The following UGGT1 variants were observed in gnomAD, a reference collection of about 807,000 sequenced individuals.
UGGT1 encodes the protein UDP-glucose:glycoprotein glucosyltransferase 1.
Under a neutral mutation model 203.9 loss-of-function variants are expected in UGGT1, and 107 were observed. The ratio of observed to expected loss-of-function variants is 0.52; its 90% CI spans 0.45 to 0.62. The LOEUF is 0.62. Among genes scored for constraint, UGGT1 ranks in the 20% least tolerant of loss-of-function variants. The pLI is 0.00. For synonymous variants in UGGT1, 628 were observed against 653.5 expected, an observed-to-expected ratio of 0.96 and a Z score of 0.59; for missense variants, 1,673 against 1,867.2, an observed-to-expected ratio of 0.90 and a Z score of 1.92.
At chr2:128,160,351 T>C (rs1205366378) in intron 23 of UGGT1, 109 bp from the exon 24 acceptor site, 2 of 1,182,030 alleles carry the variant, frequency 1.7e-6, no homozygotes, top group Non-Finnish European at 1.2e-6. Context: ...TGAAAATTAG[T>C]TATTACTTTC....
intron 6 of UGGT1, among the ~76,000 whole-genome samples, chr2:128,113,698 A>AATAT (rs1573513808): frequency 8.4e-5 from 3 of 35,674 alleles, no homozygotes; most frequent in African/African-American, 1.6e-4. Context: ...GACTCTGTGT[A>AATAT]GGCCGGGCGC....
chr2:128,113,014 T>A lies in UGGT1; in HGVS notation c.522-70T>A. ...TATTTGAATTTTCATAACTGTACTT[T>A]ATATTTTGTGACATTTTTAGTGTTT... On this transcript the variant is annotated intron_variant, in intron 5 of 40. Transcript: ENST00000259253. The A allele has an allele frequency of 3.0e-6, 4 of 1,341,846 alleles. No individual in the cohort carries two copies. In the South Asian group the frequency reaches 7.2e-5, roughly 24 times the overall value. 83.1% of individuals were successfully genotyped at this position (1,341,846 alleles called of 1,614,324 possible).
intron 37 of UGGT1, 120 bp downstream of exon 37, chr2:128,182,410 T>TA: frequency 3.9e-6 from 5 of 1,290,188 alleles, no homozygotes; most frequent in Non-Finnish European, 5.2e-6. Context: ...TGATAAAAAA[T>TA]ACACAGTGGC....
At chr2:128,159,797 G>A (rs904720782) in intron 23 of UGGT1, 77 bp downstream of exon 23, 20 of 1,412,178 alleles carry the variant, frequency 1.4e-5, no homozygotes, top group Admixed American at 4.2e-5. Flanking sequence ...TTACGTGTCC[G>A]GTTCATGATC....
chr2:128,101,322 G>T (rs1687365199), intron 2 of UGGT1, among the ~76,000 whole-genome samples: 1 of 152,120 alleles, frequency 6.6e-6, no homozygotes, highest in African/African-American at 2.4e-5. Flanking sequence ...CACCACCACA[G>T]ATCTTTTGCC....
chr2:128,115,017 A>T, intron 6 of UGGT1, 107 bp from the exon 7 acceptor site: 1 of 905,368 alleles, frequency 1.1e-6, no homozygotes, highest in Non-Finnish European at 1.7e-6. Flanking sequence ...TTGAGGGCAT[A>T]ATCCGAGGTA....
chr2:128,172,554 C>CT lies in UGGT1; in HGVS notation c.3105-16dup. The stretch of plus-strand genomic sequence containing the variant: ...TTGTCACATCGAAAATTATCTAACA[C>CT]TTTCCTTTTCAATTTCAGCTTTTAC... On this transcript the variant is annotated intron_variant, in intron 28 of 40. Coordinates refer to ENST00000259253, the MANE Select transcript of UGGT1 (RefSeq NM_020120.4). The CT allele has an allele frequency of 6.2e-7, 1 of 1,613,164 alleles. No individual in the cohort carries two copies. The highest frequency in any genetic ancestry group is 8.5e-7 in the Non-Finnish European group (1 of 1,179,496).
intron 13 of UGGT1, among the ~76,000 whole-genome samples, chr2:128,131,964 GT>G (rs1256471783): frequency 3.3e-5 from 5 of 152,182 alleles, no homozygotes; most frequent in African/African-American, 1.2e-4. Context: ...TACTAATATA[GT>G]CTTCAACTTT....
chr2:128,128,954 AT>A (rs1197811360), intron 12 of UGGT1, 74 bp from the exon 13 acceptor site: 93 of 1,428,878 alleles, frequency 6.5e-5, no homozygotes, highest in Middle Eastern at 1.9e-4. Context: ...GAACTGATAC[AT>A]TTTTTTTCAT....
At chr2:128,112,454 T>TTATACATATATATATATATA (rs1553433489) in intron 5 of UGGT1, among the ~76,000 whole-genome samples, 1 of 55,812 alleles carries the variant, frequency 1.8e-5, no homozygotes, top group Non-Finnish European at 3.8e-5. Flanking sequence ...AAATACTATG[T>TTATACATATATATATATATA]TATATATATA....
chr2:128,146,031 T>A, intron 18 of UGGT1, 64 bp downstream of exon 18: 2 of 1,567,500 alleles, frequency 1.3e-6, no homozygotes, highest in Non-Finnish European at 8.7e-7. Context: ...TTGTTGCCTC[T>A]ATAGTAGGCA....
chr2:128,097,367 T>G, intron 1 of UGGT1, 62 bp from the exon 2 acceptor site: 1 of 1,559,724 alleles, frequency 6.4e-7, no homozygotes, highest in South Asian at 1.2e-5. Flanking sequence ...AGGGCGAGAC[T>G]GCGTCTCAAA....
At chr2:128,102,712 TTATTCGTGTG>T (rs1306944841) in intron 2 of UGGT1, among the ~76,000 whole-genome samples, 1 of 152,172 alleles carries the variant, frequency 6.6e-6, no homozygotes, top group Non-Finnish European at 1.5e-5. Flanking sequence ...AAGCATGTAT[TTATTCGTGTG>T]TGGCCTTTAC....
chr2:128,187,112 T>G (rs1573640034), intron 39 of UGGT1: 1 of 279,156 alleles, frequency 3.6e-6, no homozygotes, highest in East Asian at 6.8e-5. Context: ...ATTTCCCTGC[T>G]TACATTAGGA....
rs1048777217 is a variant in UGGT1 at position 128,180,928 on chromosome 2, G to C, written c.3939G>C (p.Gln1313His). The stretch of plus-strand genomic sequence containing the variant: ...ACATGGCAAATGAATACAATTTCCA[G>C]TATGAGCTTGTTCAGTACAAATGGC... ...IPYMANEYNFQYELVQYKWPR... is the reference protein window; with the variant it reads ...IPYMANEYNFHYELVQYKWPR... The change falls in exon 36 of 41, where the codon CAG (glutamine) becomes CAC (histidine). Residue 1313 changes from glutamine to histidine, a missense_variant. Coordinates refer to ENST00000259253, the MANE Select transcript of UGGT1 (RefSeq NM_020120.4). 1 of 1,613,900 alleles carries C rather than the reference G, an allele frequency of 6.2e-7. No individual in the cohort carries two copies. The highest frequency in any genetic ancestry group is 1.3e-5 in the African/African-American group (1 of 74,916).
At chr2:128,093,477 G>GTT (rs1327577561) in intron 1 of UGGT1, among the ~76,000 whole-genome samples, 1 of 152,190 alleles carries the variant, frequency 6.6e-6, no homozygotes, top group African/African-American at 2.4e-5. Context: ...CAAAGCCAGC[G>GTT]TAAGTGTGGA....
At position 128,195,221 on chromosome 2, in the gene UGGT1, G is replaced by C. The variant is rs1264440886; in HGVS notation, c.*5479G>C. 2 of 152,238 alleles carry C rather than the reference G, an allele frequency of 1.3e-5. No individual in the cohort carries two copies. The highest frequency in any genetic ancestry group is 2.9e-5 in the Non-Finnish European group (2 of 68,048). The allele number at this position is 152,238 out of a possible 1,614,324, so 9.4% of individuals were successfully genotyped here. A position where few individuals can be genotyped will look rare whatever the true frequency, so the allele number is the denominator to read the frequency against. On this transcript the variant is annotated 3_prime_UTR_variant, in exon 41 of 41. Coordinates refer to ENST00000259253, the MANE Select transcript of UGGT1 (RefSeq NM_020120.4). ...CAGATACCCAGCAGTGCAGAGGCTA[G>C]CTGTGGAAGGTTGCAGTGGGACAGG...
intron 1 of UGGT1, among the ~76,000 whole-genome samples, chr2:128,095,532 C>T (rs11690581): frequency 0.89 from 134,361 of 150,786 alleles, 60,841 homozygotes; most frequent in Non-Finnish European, 0.98. Context: ...CCTCCTGTCC[C>T]GTAACTCCTC....
rs1296789349 is a variant in UGGT1, at chr2:128,127,358, C to T, written c.1135-3C>T. 2 of 1,603,144 alleles carry T rather than the reference C, an allele frequency of 1.2e-6. No individual in the cohort carries two copies. Among genetic ancestry groups the T allele is most frequent in the Non-Finnish European group, 1.7e-6 (2 of 1,173,470 alleles). On this transcript the variant is annotated splice_polypyrimidine_tract_variant and splice_region_variant and intron_variant, in intron 11 of 40. Transcript: ENST00000259253. The stretch of plus-strand genomic sequence containing the variant: ...CTCCCTAATAATTATTAAAATTTTT[C>T]AGTATTTCAAGGGAACTTTAGGATT...
Sources: allele counts gnomAD v4.1 joint callset (sites outside exome capture counted in the v4.1 genomes callset), GRCh38; gene constraint gnomAD v4.1.1; transcripts MANE v1.5; gene names NCBI Gene and HGNC (gene_info 2026-07-23, HGNC 2026-07-21).